PLEKHF2: variants seen among roughly 807,000 people sequenced by gnomAD.
PLEKHF2 encodes the protein pleckstrin homology domain-containing family F member 2.
A neutral mutation model predicts 14.7 loss-of-function variants in PLEKHF2; 4 were observed. That is an observed-to-expected ratio of 0.27 (90% confidence interval 0.13 to 0.62). PLEKHF2 has a LOEUF of 0.62. PLEKHF2 is among the 20% of genes least tolerant of loss of function. The pLI is 0.85. For synonymous variants in PLEKHF2, 90 were observed against 103.5 expected (o/e 0.87, Z 0.79); for missense variants, 201 against 307.7 (o/e 0.65, Z 2.60).
chr8:95,137,037 T>G (rs1355868130), intron 1 of PLEKHF2, among the ~76,000 whole-genome samples: 6 of 152,230 alleles, frequency 3.9e-5, no homozygotes, highest in African/African-American at 1.4e-4. Context: ...ATTCAAATAG[T>G]TGCTGTGAAT....
chr8:95,134,401 A>C (rs1363447442), intron 1 of PLEKHF2: 1 of 151,764 alleles, frequency 6.6e-6, no homozygotes, highest in East Asian at 1.9e-4. Context: ...AGGCCGGGCG[A>C]GAAGTTGTGG....
intron 1 of PLEKHF2, among the ~76,000 whole-genome samples, chr8:95,150,316 T>C (rs1194444714): frequency 6.6e-6 from 1 of 152,160 alleles, no homozygotes. Flanking sequence ...TGGAAGAGGC[T>C]GCTTAAGGCC....
At position 95,154,987 on chromosome 8, in the gene PLEKHF2, C is replaced by T; in HGVS notation, c.*193C>T. ...TTCTCCCACTCCTCACACTCTTCTA[C>T]AGGGATAGGCTTTTGCAAATATATC... is the stretch of plus-strand genomic sequence containing the variant. On this transcript the variant is annotated 3_prime_UTR_variant, in exon 2 of 2. Transcript: ENST00000315367. The surrounding 1 kb of genome is among the most constrained non-coding windows in gnomAD (Gnocchi z 5.6). The T allele has an allele frequency of 1.7e-6, 1 of 587,722 alleles. No homozygotes were observed. Among genetic ancestry groups the T allele is most frequent in the East Asian group, 2.8e-5 (1 of 35,250 alleles). The allele number at this position is 587,722 out of a possible 1,614,324, so 36.4% of individuals were successfully genotyped here.
At position 95,151,558 on chromosome 8, in the gene PLEKHF2, T is replaced by A. The variant is rs921973537; in HGVS notation, c.-14-2473T>A. ...TCTCAGTTTCTTTTAAAAATCACTT[T>A]AAAAAAAAAATCATAGCATTGATTA... On this transcript the variant is annotated intron_variant, in intron 1 of 1. Transcript: ENST00000315367. 3.2e-4 allele frequency among the ~76,000 whole-genome samples: 48 copies of A among 150,112 alleles called. 1 individual carries two copies. Among genetic ancestry groups the A allele is most frequent in the Admixed American group, 9.9e-4 (15 of 15,118 alleles).
At chr8:95,138,556 G>A (rs998630712) in intron 1 of PLEKHF2, among the ~76,000 whole-genome samples, 1 of 133,014 alleles carries the variant, frequency 7.5e-6, no homozygotes, top group African/African-American at 3.5e-5. Flanking sequence ...AAACTAAAAG[G>A]CTTTGTCTAT....
chr8:95,145,029 A>G (rs1810481116), intron 1 of PLEKHF2, among the ~76,000 whole-genome samples: 1 of 152,218 alleles, frequency 6.6e-6, no homozygotes, highest in African/African-American at 2.4e-5. Flanking sequence ...ATGTGCTATT[A>G]TGCACATGTG....
intron 1 of PLEKHF2, among the ~76,000 whole-genome samples, chr8:95,140,100 G>T (rs887440742): frequency 1.3e-5 from 2 of 152,054 alleles, no homozygotes; most frequent in African/African-American, 4.8e-5. Flanking sequence ...TCTCTGTCCC[G>T]CAGATGTGTT....
chr8:95,139,161 G>A (rs992228213), intron 1 of PLEKHF2, among the ~76,000 whole-genome samples: 1 of 151,990 alleles, frequency 6.6e-6, no homozygotes, highest in African/African-American at 2.4e-5. Flanking sequence ...TTATTTTTCT[G>A]TTGGGATATT....
intron 1 of PLEKHF2, among the ~76,000 whole-genome samples, chr8:95,152,063 T>C (rs569845142): frequency 6.6e-6 from 1 of 152,246 alleles, no homozygotes; most frequent in South Asian, 2.1e-4. Flanking sequence ...CACATAAATA[T>C]GTCTTAAAAT....
In PLEKHF2 at chr8:95,154,750, A is replaced by C. The variant is rs112386177; in HGVS notation, c.706A>C (p.Asn236His). ...SYSQSLKSPL[N>H]DMSDDDDDDD... ...CAGCCAGTCATTGAAGTCTCCTTTAAATGATATGTCTGATGATGATGACGA... is the reference window on the plus strand; with the variant it reads ...CAGCCAGTCATTGAAGTCTCCTTTACATGATATGTCTGATGATGATGACGA... Residue 236 changes from asparagine (N) to histidine (H), a missense_variant, in exon 2 of 2, where the codon AAT (asparagine) becomes CAT (histidine). Transcript: ENST00000315367. This position sits in a 1 kb window ranked among gnomAD's most constrained non-coding sequence, Gnocchi z 5.6. 3 of 1,614,100 alleles carry C rather than the reference A, an allele frequency of 1.9e-6. No homozygotes were observed. The South Asian group carries it at 3.3e-5, about 18-fold the overall frequency.
At chr8:95,153,432 T>A (rs1432621550) in intron 1 of PLEKHF2, among the ~76,000 whole-genome samples, 1 of 152,150 alleles carries the variant, frequency 6.6e-6, no homozygotes, top group East Asian at 1.9e-4. Context: ...TGAAAGGCCG[T>A]GAACACCCTG....
chr8:95,136,363 CACACACACACAT>C (rs1327405878), intron 1 of PLEKHF2, among the ~76,000 whole-genome samples: 3 of 150,734 alleles, frequency 2.0e-5, no homozygotes, highest in Non-Finnish European at 3.0e-5. Context: ...CACACACACA[CACACACACACAT>C]GTTTTGTTGT....
rs776474404 is a variant in PLEKHF2, at chr8:95,154,754, A to G, written c.710A>G (p.Asp237Gly). The part of the protein sequence containing the change: ...YSQSLKSPLN[D>G]MSDDDDDDDS... ...CAGTCATTGAAGTCTCCTTTAAATGATATGTCTGATGATGATGACGATGAT... is the reference window on the plus strand; with the variant it reads ...CAGTCATTGAAGTCTCCTTTAAATGGTATGTCTGATGATGATGACGATGAT... Residue 237 changes from aspartate (D) to glycine (G), a missense_variant, in exon 2 of 2, where the codon GAT becomes GGT. Transcript: ENST00000315367. The surrounding 1 kb of genome is among the most constrained non-coding windows in gnomAD (Gnocchi z 5.6). The G allele has an allele frequency of 8.1e-6, 13 of 1,613,962 alleles. No homozygotes were observed. In the East Asian group the frequency reaches 1.6e-4, roughly 19 times the overall value.
chr8:95,153,058 C>T (rs1424741828), intron 1 of PLEKHF2, among the ~76,000 whole-genome samples: 1 of 152,020 alleles, frequency 6.6e-6, no homozygotes, highest in Non-Finnish European at 1.5e-5. Flanking sequence ...TTTTTAGTAC[C>T]TTTTCTGTGT....
intron 1 of PLEKHF2, among the ~76,000 whole-genome samples, chr8:95,139,562 C>G (rs1232346916): frequency 1.3e-5 from 2 of 151,950 alleles, no homozygotes; most frequent in African/African-American, 2.4e-5. Context: ...GTTCTTCCCC[C>G]AATTATGAAG....
At chr8:95,151,859 GATAGT>G (rs1363270859) in intron 1 of PLEKHF2, among the ~76,000 whole-genome samples, 2 of 151,952 alleles carry the variant, frequency 1.3e-5, no homozygotes, top group Non-Finnish European at 1.5e-5. Context: ...TACCATTGTT[GATAGT>G]ATAGTATATA....
chr8:95,154,700 G>T lies in PLEKHF2; in HGVS notation c.656G>T (p.Cys219Phe). ...DLLSAGDMAT[C>F]QPARSDSYSQ... The stretch of plus-strand genomic sequence containing the variant: ...CTTTCTGCTGGGGACATGGCCACAT[G>T]CCAGCCTGCTAGATCAGACTCTTAC... Residue 219 changes from cysteine (C) to phenylalanine (F), a missense_variant, in exon 2 of 2, where the codon TGC becomes TTC. Physicochemically the swap from Cys to Phe is radical, Grantham distance 205. Coordinates refer to ENST00000315367, the MANE Select transcript of PLEKHF2 (RefSeq NM_024613.4). The surrounding 1 kb of genome is among the most constrained non-coding windows in gnomAD (Gnocchi z 5.6). 6.2e-7 allele frequency: 1 copy of T among 1,614,150 alleles called. No homozygotes were observed. The highest frequency in any genetic ancestry group is 8.5e-7 in the Non-Finnish European group (1 of 1,180,004).
intron 1 of PLEKHF2, among the ~76,000 whole-genome samples, chr8:95,140,313 A>G (rs1316410830): frequency 1.3e-5 from 2 of 152,156 alleles, no homozygotes; most frequent in Non-Finnish European, 2.9e-5. Flanking sequence ...ATTGTGGTTC[A>G]GGCTTTTCTT....
At chr8:95,140,308 G>A (rs904552310) in intron 1 of PLEKHF2, among the ~76,000 whole-genome samples, 3 of 152,090 alleles carry the variant, frequency 2.0e-5, no homozygotes, top group Non-Finnish European at 4.4e-5. Context: ...CAATTATTGT[G>A]GTTCAGGCTT....
Sources: allele counts gnomAD v4.1 joint callset (sites outside exome capture counted in the v4.1 genomes callset), GRCh38; gene constraint gnomAD v4.1.1; non-coding constraint Gnocchi (gnomAD v3.1); transcripts MANE v1.5; gene names NCBI Gene and HGNC (gene_info 2026-07-23, HGNC 2026-07-21).